The following PPARD variants were observed in gnomAD, a reference collection of about 807,000 sequenced individuals.
The protein encoded by PPARD is peroxisome proliferator activated receptor delta.
Under a neutral mutation model 39.5 loss-of-function variants are expected in PPARD, and 6 were observed. The observed-to-expected ratio is 0.15, with a 90% CI of 0.08 to 0.30. PPARD has a LOEUF of 0.30. PPARD is among the 10% of genes least tolerant of loss of function. The pLI is 1.00. For synonymous variants in PPARD, 210 were observed against 231.3 expected, an observed-to-expected ratio of 0.91 and a Z score of 0.83; for missense variants, 397 against 596.8, an observed-to-expected ratio of 0.67 and a Z score of 3.49.
At chr6:35,396,557 G>A (rs1434063032) in intron 2 of PPARD, among the ~76,000 whole-genome samples, 4 of 146,664 alleles carry the variant, frequency 2.7e-5, no homozygotes, top group Non-Finnish European at 6.0e-5. Context: ...AAGGCCAGGC[G>A]TGGTGGCTCA....
At chr6:35,355,598 CTTTTT>C (rs1166499750) in intron 2 of PPARD, among the ~76,000 whole-genome samples, 270 of 33,360 alleles carry the variant, frequency 8.1e-3, no homozygotes, top group Admixed American at 0.011. Flanking sequence ...TCTTCTTCTT[CTTTTT>C]TTTTTTTTTT....
At chr6:35,368,324 T>G (rs941404792) in intron 2 of PPARD, among the ~76,000 whole-genome samples, 4 of 152,248 alleles carry the variant, frequency 2.6e-5, no homozygotes, top group African/African-American at 9.6e-5. Flanking sequence ...GGCCTTTTGA[T>G]GCACAGTGCT....
rs1385783067 is a variant in PPARD, at chr6:35,426,841, A to G, written c.*762A>G. ...CCCCACTGACACCCAGTGTCCTTCC[A>G]TCTTCACACTGGTTTGCCAGGCCAA... On this transcript the variant is annotated 3_prime_UTR_variant, in exon 8 of 8. Coordinates refer to ENST00000360694, the MANE Select transcript of PPARD (RefSeq NM_006238.5). 6.6e-6 allele frequency: 1 copy of G among 152,456 alleles called. No individual in the cohort carries two copies. 9.4% of individuals were successfully genotyped at this position (152,456 alleles called of 1,614,324 possible).
chr6:35,391,483 A>T (rs1246120392), intron 2 of PPARD, among the ~76,000 whole-genome samples: 3 of 152,218 alleles, frequency 2.0e-5, no homozygotes, highest in Non-Finnish European at 4.4e-5. Flanking sequence ...TGCTTACATC[A>T]GGAGGCACAG....
chr6:35,377,224 T>G (rs960404633), intron 2 of PPARD, among the ~76,000 whole-genome samples: 1 of 152,164 alleles, frequency 6.6e-6, no homozygotes, highest in East Asian at 1.9e-4. Context: ...TCAGTTCCAC[T>G]CACTGTTTAT....
At position 35,424,516 on chromosome 6, in the gene PPARD, G is replaced by A. The variant is rs142393291; in HGVS notation, c.815G>A (p.Ser272Asn). 25 of 1,614,092 alleles carry A rather than the reference G, an allele frequency of 1.5e-5. No homozygotes were observed. The highest frequency in any genetic ancestry group is 2.0e-5 in the Non-Finnish European group (24 of 1,180,062). The change falls in exon 7 of 8, where the codon AGC becomes AAC. Residue 272 changes from serine to asparagine, a missense_variant. Physicochemically the swap from Ser to Asn is conservative, Grantham distance 46 (BLOSUM62 1). Transcript: ENST00000360694. This position sits in a 1 kb window ranked among gnomAD's most constrained non-coding sequence, Gnocchi z 7.1. ...EFAKSIPSFSSLFLNDQVTLL... is the reference protein window; with the variant it reads ...EFAKSIPSFSNLFLNDQVTLL... ...GCCAAGAGCATCCCCAGCTTCAGCA[G>A]CCTCTTCCTCAACGACCAGGTTACC...
chr6:35,365,130 C>CCTTTTTTTTTTTTTTTTTTTTTTTTT (rs1281072287), intron 2 of PPARD, among the ~76,000 whole-genome samples: 3 of 121,088 alleles, frequency 2.5e-5, no homozygotes, highest in African/African-American at 1.0e-4. Context: ...CTTCCTTATT[C>CCTTTTTTTTTTTTTTTTTTTTTTTTT]TTTTTTTTTT....
rs185283332 is a variant in PPARD, at chr6:35,348,997, G to A, written c.-102+1847G>A. 6 of 984,890 alleles carry A rather than the reference G, an allele frequency of 6.1e-6. No individual in the cohort carries two copies. In the East Asian group the frequency reaches 5.7e-4, roughly 93 times the overall value. The allele number at this position is 984,890 out of a possible 1,614,324, so 61.0% of individuals were successfully genotyped here. ...TTCATCCCTGAGCCTTGAGCTCCCA[G>A]TCGCAGGTAGGAACTTCTCTTCTCC... On this transcript the variant is annotated intron_variant, in intron 2 of 7. Transcript: ENST00000360694.
intron 2 of PPARD, among the ~76,000 whole-genome samples, chr6:35,373,621 T>TG (rs1382829501): frequency 6.6e-6 from 1 of 152,214 alleles, no homozygotes; most frequent in African/African-American, 2.4e-5. Flanking sequence ...TCTTATACTA[T>TG]GACTGTTCTT....
chr6:35,427,227 G>T lies in PPARD; in HGVS notation c.*1148G>T. On this transcript the variant is annotated 3_prime_UTR_variant, in exon 8 of 8. Transcript: ENST00000360694. ...GAGTTCAGGCCCCACTCCCCCTGAA[G>T]CTGCCCCTCCAGCACACACACATAA... 1 of 162,682 alleles carries T rather than the reference G, an allele frequency of 6.1e-6. No homozygotes were observed. 10.1% of individuals were successfully genotyped at this position (162,682 alleles called of 1,614,324 possible).
In PPARD at chr6:35,424,443, C is replaced by T. The variant is rs201419456; in HGVS notation, c.742C>T (p.Arg248Cys). ...GGAGATCAGCGTGCACGTCTTCTAC[C>T]GCTGCCAGTGCACCACAGTGGAGAC... ...YKEISVHVFY[R>C]CQCTTVETVR... Residue 248 changes from arginine (R) to cysteine (C), a missense_variant, in exon 7 of 8, where the codon CGC becomes TGC. Coordinates refer to ENST00000360694, the MANE Select transcript of PPARD (RefSeq NM_006238.5). The surrounding 1 kb of genome is among the most constrained non-coding windows in gnomAD (Gnocchi z 7.1). 12 of 1,614,184 alleles carry T rather than the reference C, an allele frequency of 7.4e-6. No homozygotes were observed. The highest frequency in any genetic ancestry group is 1.1e-5 in the South Asian group (1 of 91,082).
At chr6:35,348,809 G>T (rs780946331) in intron 2 of PPARD, 81 of 985,320 alleles carry the variant, frequency 8.2e-5, no homozygotes, top group Non-Finnish European at 9.3e-5. Context: ...AAGAAGGGGG[G>T]AGTTTCAGAG....
chr6:35,376,850 C>T (rs571597157), intron 2 of PPARD, among the ~76,000 whole-genome samples: 140 of 152,084 alleles, frequency 9.2e-4, no homozygotes, highest in Non-Finnish European at 1.7e-3. Flanking sequence ...GAAACCCCGT[C>T]TCTACTAAAA....
rs191168152 is a variant in PPARD, at chr6:35,354,041, G to A, written c.-102+6891G>A. Among the ~76,000 whole-genome samples the A allele has an allele frequency of 4.1e-3, 618 of 152,036 alleles. 2 individuals carry two copies. Among genetic ancestry groups the A allele is most frequent in the African/African-American group, 0.013 (540 of 41,510 alleles). On this transcript the variant is annotated intron_variant, in intron 2 of 7. Coordinates refer to ENST00000360694, the MANE Select transcript of PPARD (RefSeq NM_006238.5). ...AGGTCAGGAGATTGAGACCATCCTG[G>A]CTAACACAGTGAAACCCTGTCTCTA...
At chr6:35,375,710 CAGATAATTTA>C (rs1294320074) in intron 2 of PPARD, among the ~76,000 whole-genome samples, 8 of 152,020 alleles carry the variant, frequency 5.3e-5, no homozygotes, top group South Asian at 2.1e-4. Context: ...CCACCATGCT[CAGATAATTTA>C]AAAAAAAATG....
At chr6:35,372,597 TG>T (rs1452802184) in intron 2 of PPARD, among the ~76,000 whole-genome samples, 4 of 152,268 alleles carry the variant, frequency 2.6e-5, no homozygotes, top group Non-Finnish European at 5.9e-5. Flanking sequence ...CCTACTTGTA[TG>T]TCATTCTGCC....
intron 2 of PPARD, chr6:35,348,759 C>T: frequency 1.0e-6 from 1 of 985,294 alleles, no homozygotes; most frequent in Non-Finnish European, 1.2e-6. Flanking sequence ...GCTTTCAAAC[C>T]CATACCAAGT....
At chr6:35,362,751 A>G (rs1285904562) in intron 2 of PPARD, among the ~76,000 whole-genome samples, 1 of 152,124 alleles carries the variant, frequency 6.6e-6, no homozygotes, top group South Asian at 2.1e-4. Flanking sequence ...GCTGGCCAGG[A>G]AGACGCCTGG....
At chr6:35,379,861 C>T (rs1170698984) in intron 2 of PPARD, among the ~76,000 whole-genome samples, 4 of 152,230 alleles carry the variant, frequency 2.6e-5, no homozygotes, top group Non-Finnish European at 4.4e-5. Context: ...CTTTTCCTTT[C>T]TTCCATTTCT....
Sources: gnomAD v4.1 joint callset for allele counts (sites outside exome capture counted in the v4.1 genomes callset) on GRCh38, gnomAD v4.1.1 for gene constraint, Gnocchi (gnomAD v3.1) non-coding constraint, MANE v1.5 for transcripts, NCBI Gene and HGNC (gene_info 2026-07-23, HGNC 2026-07-21) for gene names.